NAE1: variants seen among roughly 807,000 people sequenced by gnomAD.
NAE1 encodes the protein NEDD8-activating enzyme E1 regulatory subunit.
NAE1 carries 59 observed loss-of-function variants against 88.0 expected under a neutral mutation model. The observed-to-expected ratio is 0.67, with a 90% CI of 0.54 to 0.83. The LOEUF (loss-of-function observed/expected upper bound fraction) is 0.83, where lower values mean the gene tolerates loss of function less well. NAE1 is among the 40% of genes least tolerant of loss of function. NAE1 has a pLI of 0.00. For synonymous variants in NAE1, 186 were observed against 208.9 expected (o/e 0.89, Z 0.95); for missense variants, 554 against 632.8 (o/e 0.88, Z 1.34).
At position 66,830,849 on chromosome 16, in the gene NAE1, C is replaced by T; in HGVS notation, c.51G>A (p.Leu17=). 5.9e-6 allele frequency: 9 copies of T among 1,521,086 alleles called. No homozygotes were observed. The highest frequency in any genetic ancestry group is 7.9e-6 in the Non-Finnish European group (9 of 1,142,660). 94.2% of individuals were successfully genotyped at this position (1,521,086 alleles called of 1,614,324 possible). The change falls in exon 1 of 20, where the codon CTG becomes CTA. Residue 17 remains leucine, a splice_region_variant and synonymous_variant. Transcript: ENST00000290810. ...LLKEQKYDRQ[L]RLWGDHGQEA... ...CGGCTCGGTGAGCCTCGGCTCACCT[C>T]AGCTGCCGGTCGTACTTCTGCTCCT...
At chr16:66,829,004 A>T (rs1960584830) in intron 1 of NAE1, among the ~76,000 whole-genome samples, 1 of 152,108 alleles carries the variant, frequency 6.6e-6, no homozygotes, top group African/African-American at 2.4e-5. Flanking sequence ...AAAAAAAAAA[A>T]AAGAATCCTG....
intron 3 of NAE1, 138 bp from the exon 4 acceptor site, chr16:66,825,023 AG>A (rs766549492): frequency 5.5e-5 from 27 of 494,280 alleles, no homozygotes; most frequent in Admixed American, 2.1e-4. Context: ...GCCTTCCTGG[AG>A]GAAGAAAATC....
rs1296109658 is a variant in NAE1 at position 66,816,679 on chromosome 16, T to C, written c.749-7A>G. 1.3e-6 allele frequency: 2 copies of C among 1,582,644 alleles called. No individual in the cohort carries two copies. Among genetic ancestry groups the C allele is most frequent in the South Asian group, 1.1e-5 (1 of 89,574 alleles). ...TTTTCATTTTTTAGAATTCCTATTG[T>C]AATGGGAAATTGTTAGCAAACAGCC... On this transcript the variant is annotated splice_region_variant and splice_polypyrimidine_tract_variant and intron_variant, in intron 10 of 19. Transcript: ENST00000290810.
At chr16:66,823,670 G>T in intron 4 of NAE1, 70 bp from the exon 5 acceptor site, 1 of 1,227,502 alleles carries the variant, frequency 8.1e-7, no homozygotes. Flanking sequence ...CCAATTTATG[G>T]AACAGGCAAA....
intron 17 of NAE1, among the ~76,000 whole-genome samples, chr16:66,807,187 A>C (rs972354919): frequency 2.0e-5 from 3 of 152,360 alleles, no homozygotes; most frequent in Non-Finnish European, 4.4e-5. Flanking sequence ...CAGGCAACCC[A>C]CAAAATCACG....
chr16:66,830,436 C>T (rs1288231238), intron 1 of NAE1, among the ~76,000 whole-genome samples: 4 of 152,254 alleles, frequency 2.6e-5, no homozygotes, highest in Admixed American at 6.5e-5. Flanking sequence ...ACATTTGCGG[C>T]TCACATGAGA....
rs1201010331 is a variant in NAE1 at position 66,805,506 on chromosome 16, G to A, written c.1495+271C>T. 1.1e-5 allele frequency: 4 copies of A among 350,598 alleles called. No individual in the cohort carries two copies. In the East Asian group the frequency reaches 1.7e-4, roughly 15 times the overall value. 21.7% of individuals were successfully genotyped at this position (350,598 alleles called of 1,614,324 possible). A position where few individuals can be genotyped will look rare whatever the true frequency, so the allele number is the denominator to read the frequency against. ...ATTGAAAAATTAGCCAGGCTTACTG[G>A]CACATGCCTGTAGTCCCAGCTATTC... On this transcript the variant is annotated intron_variant, in intron 19 of 19. Coordinates refer to ENST00000290810, the MANE Select transcript of NAE1 (RefSeq NM_003905.4).
At position 66,803,033 on chromosome 16, in the gene NAE1, T is replaced by C. The variant is rs916655784; in HGVS notation, c.1581A>G (p.Gln527=). Residue 527 remains glutamine, a synonymous_variant, in exon 20 of 20, where the codon CAA becomes CAG. Transcript: ENST00000290810. ...TCTACAACTGGAAAGTTGCTGAAGT[T>C]TGTGACATGCCACTGTAAATGTAAG... ...NNTYIYSGMS[Q]TSATFQL 3 of 1,609,766 alleles carry C rather than the reference T, an allele frequency of 1.9e-6. No homozygotes were observed. Among genetic ancestry groups the C allele is most frequent in the Non-Finnish European group, 2.6e-6 (3 of 1,176,284 alleles).
chr16:66,805,213 C>T (rs1284311330), intron 19 of NAE1, among the ~76,000 whole-genome samples: 1 of 151,966 alleles, frequency 6.6e-6, no homozygotes, highest in Non-Finnish European at 1.5e-5. Flanking sequence ...CTGGAAAGGC[C>T]GAGTGGAACC....
At chr16:66,819,433 G>A (rs1178570933) in intron 7 of NAE1, among the ~76,000 whole-genome samples, 1 of 152,212 alleles carries the variant, frequency 6.6e-6, no homozygotes, top group Non-Finnish European at 1.5e-5. Flanking sequence ...TGAGTGCTTA[G>A]AGGTAGGCCC....
At position 66,813,587 on chromosome 16, in the gene NAE1, G is replaced by A. The variant is rs549588985; in HGVS notation, c.1011C>T (p.Gly337=). 1 of 1,612,844 alleles carries A rather than the reference G, an allele frequency of 6.2e-7. No homozygotes were observed. The highest frequency in any genetic ancestry group is 1.3e-5 in the African/African-American group (1 of 74,980). ...ACACGTTTTGCAGTTTTATATATTT[G>A]CCTGAATCTGCAATCATATCAGGAA... ...GTIPDMIADS[G]KYIKLQNVYR... The change falls in exon 13 of 20, where the codon GGC becomes GGT. Residue 337 remains glycine (G), a synonymous_variant. Transcript: ENST00000290810.
chr16:66,823,667 A>T (rs1960354523), intron 4 of NAE1, 67 bp from the exon 5 acceptor site: 1 of 1,257,560 alleles, frequency 8.0e-7, no homozygotes, highest in Admixed American at 2.3e-5. Flanking sequence ...CCCCCAATTT[A>T]TGGAACAGGC....
chr16:66,830,901 GC>G lies in NAE1; in HGVS notation c.-3del. On this transcript the variant is annotated 5_prime_UTR_variant, in exon 1 of 20. Transcript: ENST00000290810. ...GAGCAGCTTTCCCAGCTGCGCCATGGCCGCGCCTGCCGCGCGGAAAACAGCC... is the reference window on the plus strand; with the variant it reads ...GAGCAGCTTTCCCAGCTGCGCCATGGCGCGCCTGCCGCGCGGAAAACAGCC... 1 of 1,531,574 alleles carries G rather than the reference GC, an allele frequency of 6.5e-7. No individual in the cohort carries two copies. The allele number at this position is 1,531,574 out of a possible 1,614,324, so 94.9% of individuals were successfully genotyped here. A position where few individuals can be genotyped will look rare whatever the true frequency, so the allele number is the denominator to read the frequency against.
intron 13 of NAE1, among the ~76,000 whole-genome samples, chr16:66,812,205 G>A (rs371499496): frequency 1.1e-3 from 165 of 152,214 alleles, no homozygotes; most frequent in African/African-American, 3.5e-3. Flanking sequence ...TGGGTTTCCT[G>A]GGGTTCAAAT....
intron 6 of NAE1, among the ~76,000 whole-genome samples, chr16:66,821,884 C>A (rs1960275876): frequency 6.6e-6 from 1 of 152,160 alleles, no homozygotes; most frequent in Admixed American, 6.5e-5. Context: ...ACACCCCTAA[C>A]AATTCCAATA....
intron 1 of NAE1, chr16:66,828,151 T>G (rs1960539010): frequency 1.8e-6 from 2 of 1,092,210 alleles, no homozygotes. Context: ...ACCTGACATA[T>G]ATGGTTGATG....
chr16:66,808,080 T>G (rs1455170521), intron 17 of NAE1, among the ~76,000 whole-genome samples: 2 of 152,096 alleles, frequency 1.3e-5, no homozygotes, highest in Non-Finnish European at 2.9e-5. Flanking sequence ...TCAGTAGAGA[T>G]GGGGTTCCAC....
chr16:66,828,931 T>TGCCACTGCACTCTA (rs1046309721), intron 1 of NAE1, among the ~76,000 whole-genome samples: 1 of 151,124 alleles, frequency 6.6e-6, no homozygotes, highest in Admixed American at 6.6e-5. Context: ...GCAGTGTTCT[T>TGCCACTGCACTCTA]GCCACTGCAC....
At chr16:66,821,649 C>A in intron 6 of NAE1, 90 bp from the exon 7 acceptor site, 2 of 1,088,534 alleles carry the variant, frequency 1.8e-6, no homozygotes, top group Non-Finnish European at 2.5e-6. Context: ...TGTCTTACAG[C>A]AACTTTCTTA....
Sources: gnomAD v4.1 joint callset for allele counts (sites outside exome capture counted in the v4.1 genomes callset) on GRCh38, gnomAD v4.1.1 for gene constraint, MANE v1.5 for transcripts, NCBI Gene and HGNC (gene_info 2026-07-23, HGNC 2026-07-21) for gene names.